Variants in ISLR2 observed in about 807,000 individuals in gnomAD.
ISLR2 encodes immunoglobulin superfamily containing leucine rich repeat 2, also known as immunoglobulin superfamily containing leucine-rich repeat protein 2.
In ISLR2, 16 loss-of-function variants were observed where a neutral mutation model predicts 25.5. That is an observed-to-expected ratio of 0.63 (90% CI 0.43 to 0.95). The LOEUF is 0.95. Ranked by LOEUF, ISLR2 falls within the 40% of genes least tolerant of loss-of-function variation. The pLI, the probability that ISLR2 is intolerant of heterozygous loss-of-function variation, is 0.00. For missense variants in ISLR2, 883 were observed against 1,030.7 expected (o/e 0.86, Z 1.96); for synonymous variants, 508 against 486.6 (o/e 1.04, Z -0.58).
upstream of ISLR2, chr15:74,128,754 T>A: frequency 2.3e-6 from 1 of 437,774 alleles, no homozygotes; most frequent in Non-Finnish European, 4.5e-6. Flanking sequence ...CGGACTCAGC[T>A]CCCGCTGCTG....
intron 2 of ISLR2, among the ~76,000 whole-genome samples, chr15:74,120,979 T>C (rs1488737892): frequency 6.6e-6 from 1 of 151,952 alleles, no homozygotes; most frequent in Non-Finnish European, 1.5e-5. Context: ...TCTCCTTTTT[T>C]CTCTCCTCCC....
In ISLR2 at chr15:74,114,770, G is replaced by A. The variant is rs149243457; in HGVS notation, n.228+10856G>A. ...GTTTTCAGACATCAGAGAACAGGTC[G>A]AGCAGAACTATGATCCCTAAAAGAA... On this transcript the variant is annotated intron_variant and non_coding_transcript_variant, in intron 2 of 3. Transcript: ENST00000561975. Among the ~76,000 whole-genome samples the A allele has an allele frequency of 8.6e-3, 1,312 of 152,218 alleles. 11 individuals are homozygous for A. Among genetic ancestry groups the A allele is most frequent in the Non-Finnish European group, 0.013 (905 of 68,018 alleles).
rs544648911 is a variant in ISLR2 at position 74,134,251 on chromosome 15, G to C, written c.1497G>C (p.Arg499=). The change falls in exon 3 of 3, where the codon CGG becomes CGC. Residue 499 remains arginine, a synonymous_variant. Coordinates refer to ENST00000453268, the MANE Select transcript of ISLR2 (RefSeq NM_020851.3). ...IALDVAEREA[R]VQLTPLAARW... ...TGGATGTGGCGGAGCGCGAGGCGCG[G>C]GTGCAGCTGACTCCGCTGGCTGCGC... is the stretch of plus-strand genomic sequence containing the variant. 1 of 1,577,474 alleles carries C rather than the reference G, an allele frequency of 6.3e-7. No homozygotes were observed. The highest frequency in any genetic ancestry group is 8.6e-7 in the Non-Finnish European group (1 of 1,161,748).
chr15:74,107,847 C>G (rs1426944040), intron 2 of ISLR2, among the ~76,000 whole-genome samples: 2 of 152,172 alleles, frequency 1.3e-5, no homozygotes, highest in Non-Finnish European at 2.9e-5. Context: ...TGGGGTGTAG[C>G]AGAGCACTGG....
chr15:74,134,596 C>T lies in ISLR2; in HGVS notation c.1842C>T (p.Cys614=), dbSNP rs1198996452. The change falls in exon 3 of 3, where the codon TGC becomes TGT. Residue 614 remains cysteine (C), a synonymous_variant. Coordinates refer to ENST00000453268, the MANE Select transcript of ISLR2 (RefSeq NM_020851.3). ...ATVPLLGAAC[C]HLLAKHPGKP... Reference sequence around the variant, plus strand: ...TGCCCCTTCTGGGCGCCGCCTGCTGCCATCTGCTGGCTAAACACCCGGGCA... The same window carrying T: ...TGCCCCTTCTGGGCGCCGCCTGCTGTCATCTGCTGGCTAAACACCCGGGCA... 2.5e-6 allele frequency: 4 copies of T among 1,614,062 alleles called. No homozygotes were observed. The highest frequency in any genetic ancestry group is 3.4e-6 in the Non-Finnish European group (4 of 1,180,038).
chr15:74,136,429 G>C lies in ISLR2; in HGVS notation c.*1437G>C, dbSNP rs1304167490. On this transcript the variant is annotated 3_prime_UTR_variant, in exon 3 of 3. Transcript: ENST00000453268. The stretch of plus-strand genomic sequence containing the variant: ...TCCGTCCTCGCGTCTCGGTCCTCGC[G>C]TCGCCCCGCCCCACCCGCCCCTGCT... 1 of 165,470 alleles carries C rather than the reference G, an allele frequency of 6.0e-6. No individual in the cohort carries two copies. Among genetic ancestry groups the C allele is most frequent in the Non-Finnish European group, 1.5e-5 (1 of 68,164 alleles). 10.3% of individuals were successfully genotyped at this position (165,470 alleles called of 1,614,324 possible). A position where few individuals can be genotyped will look rare whatever the true frequency, so the allele number is the denominator to read the frequency against.
At chr15:74,110,642 AC>A (rs1431460151) in intron 2 of ISLR2, among the ~76,000 whole-genome samples, 1 of 150,128 alleles carries the variant, frequency 6.7e-6, no homozygotes, top group Non-Finnish European at 1.5e-5. Context: ...ACATGGTGAA[AC>A]CCTGTCTCTA....
intron 2 of ISLR2, among the ~76,000 whole-genome samples, chr15:74,111,633 G>T (rs2072168836): frequency 6.7e-6 from 1 of 149,676 alleles, no homozygotes. Flanking sequence ...CATTCTTTGA[G>T]ACAGAGTCTT....
rs765272155 is a variant in ISLR2, at chr15:74,107,079, C to G, written n.228+3165C>G. On this transcript the variant is annotated intron_variant and non_coding_transcript_variant, in intron 2 of 3. Transcript: ENST00000561975. ...GAGGGACTGGGGGGAGCAAGCATGG[C>G]CCAGGGCCCTGGCCTCCTGCAGGGG... Among the ~76,000 whole-genome samples the G allele has an allele frequency of 2.2e-3, 337 of 151,820 alleles. 2 individuals carry two copies. The highest frequency in any genetic ancestry group is 2.9e-3 in the Non-Finnish European group (199 of 67,752).
At chr15:74,129,073 C>T (rs1292447865), upstream of ISLR2, 1 of 456,664 alleles carries the variant, frequency 2.2e-6, no homozygotes, top group South Asian at 1.5e-5. The surrounding 1 kb of genome is among the most constrained non-coding windows in gnomAD (Gnocchi z 4.5). Flanking sequence ...CCCTGAAAGG[C>T]GCCTTGCGCC....
At chr15:74,104,736 T>C (rs1173152605) in intron 2 of ISLR2, among the ~76,000 whole-genome samples, 4 of 152,004 alleles carry the variant, frequency 2.6e-5, no homozygotes, top group Non-Finnish European at 5.9e-5. Context: ...ATCATGCCAC[T>C]GTACTCAAAA....
At chr15:74,128,307 G>A (rs941220938), upstream of ISLR2, 16 of 408,740 alleles carry the variant, frequency 3.9e-5, no homozygotes, top group Non-Finnish European at 7.5e-5. Flanking sequence ...CGAAGGCAGG[G>A]GTAAGGGGCG....
intron 2 of ISLR2, among the ~76,000 whole-genome samples, chr15:74,114,573 A>AGGTGGCAGTGAGCCGG (rs1375947470): frequency 4.0e-5 from 6 of 151,656 alleles, no homozygotes; most frequent in Non-Finnish European, 7.4e-5. Flanking sequence ...CAGTGAGCCG[A>AGGTGGCAGTGAGCCGG]GATGGCGCCA....
In ISLR2 at chr15:74,136,442, AC is replaced by A; in HGVS notation, c.*1453del. On this transcript the variant is annotated 3_prime_UTR_variant, in exon 3 of 3. Transcript: ENST00000453268. ...CTCGGTCCTCGCGTCGCCCCGCCCCACCCGCCCCTGCTTCGGCGGGAATCGT... is the reference window on the plus strand; with the variant it reads ...CTCGGTCCTCGCGTCGCCCCGCCCCACCGCCCCTGCTTCGGCGGGAATCGT... The A allele has an allele frequency of 6.2e-6, 1 of 161,074 alleles. No homozygotes were observed. The allele number at this position is 161,074 out of a possible 1,614,324, so 10.0% of individuals were successfully genotyped here.
chr15:74,135,285 G>A lies in ISLR2; in HGVS notation c.*293G>A, dbSNP rs906943704. The A allele has an allele frequency of 7.7e-6, 3 of 390,598 alleles. No individual in the cohort carries two copies. The highest frequency in any genetic ancestry group is 4.0e-5 in the African/African-American group (2 of 50,014). The allele number at this position is 390,598 out of a possible 1,614,324, so 24.2% of individuals were successfully genotyped here. A position where few individuals can be genotyped will look rare whatever the true frequency, so the allele number is the denominator to read the frequency against. ...CCCGCAGACGGTGGGCGATATCTAT[G>A]TCCCTCCATTCCCGTCGCGATTATC... is the stretch of plus-strand genomic sequence containing the variant. On this transcript the variant is annotated 3_prime_UTR_variant, in exon 3 of 3. Transcript: ENST00000453268.
downstream of ISLR2, among the ~76,000 whole-genome samples, chr15:74,141,018 C>A (rs1376012590): frequency 6.6e-6 from 1 of 152,118 alleles, no homozygotes; most frequent in Non-Finnish European, 1.5e-5. Flanking sequence ...TCCAAAGGCC[C>A]CATGATGGGC....
Position 74,132,747 on chromosome 15 carries a change from G to C in ISLR2, c.-8G>C. On this transcript the variant is annotated splice_region_variant and 5_prime_UTR_variant, in exon 3 of 3. Transcript: ENST00000453268. This position sits in a 1 kb window ranked among gnomAD's most constrained non-coding sequence, Gnocchi z 4.3. ...TTCTTCACCTGGCTTCCATCTGCAG[G>C]AGCCGCGATGTTCCCCCTTCGGGCC... The C allele has an allele frequency of 6.2e-7, 1 of 1,604,972 alleles. No individual in the cohort carries two copies. The highest frequency in any genetic ancestry group is 8.5e-7 in the Non-Finnish European group (1 of 1,172,704).
downstream of ISLR2, among the ~76,000 whole-genome samples, chr15:74,141,341 T>G (rs1162848473): frequency 6.6e-6 from 1 of 152,216 alleles, no homozygotes; most frequent in Non-Finnish European, 1.5e-5. Context: ...AACTGTTTCT[T>G]AAATTGAATC....
chr15:74,120,445 C>A (rs1326193985), intron 2 of ISLR2, among the ~76,000 whole-genome samples: 1 of 151,288 alleles, frequency 6.6e-6, no homozygotes, highest in Non-Finnish European at 1.5e-5. Flanking sequence ...TCGCTTGAAC[C>A]CGGGAGGTGG....
Sources: gnomAD v4.1 joint callset for allele counts (sites outside exome capture counted in the v4.1 genomes callset) on GRCh38, gnomAD v4.1.1 for gene constraint, Gnocchi (gnomAD v3.1) non-coding constraint, MANE v1.5 for transcripts, NCBI Gene and HGNC (gene_info 2026-07-23, HGNC 2026-07-21) for gene names.